CP: variants seen among roughly 807,000 people sequenced by gnomAD.
The protein encoded by CP is caeruloplasmin.
CP carries 64 observed loss-of-function variants against 122.4 expected under a neutral mutation model. The ratio of observed to expected loss-of-function variants is 0.52; its 90% CI spans 0.43 to 0.64. The LOEUF (loss-of-function observed/expected upper bound fraction) is 0.64. CP is among the 30% of genes least tolerant of loss of function. The pLI, the probability that CP is intolerant of heterozygous loss-of-function variation, is 0.00. For synonymous variants in CP, 440 were observed against 436.4 expected (o/e 1.01, Z -0.10); for missense variants, 1,167 against 1,284.4 (o/e 0.91, Z 1.40).
At chr3:149,171,934 T>C (rs1183354795), downstream of CP, among the ~76,000 whole-genome samples, 1 of 152,146 alleles carries the variant, frequency 6.6e-6, no homozygotes. Flanking sequence ...CTTGAACTCC[T>C]GACCTCGTGA....
At chr3:149,179,830 A>G (rs1454265256) in intron 14 of CP, 168 bp from the exon 15 acceptor site, 1 of 595,864 alleles carries the variant, frequency 1.7e-6, no homozygotes, top group Admixed American at 2.8e-5. Context: ...GATTGTTTTC[A>G]GGAATTTAGT....
chr3:149,217,917 G>T (rs1274545712), intron 1 of CP: 4 of 443,260 alleles, frequency 9.0e-6, no homozygotes, highest in Non-Finnish European at 1.8e-5. Context: ...GATTTGAGCT[G>T]TTATTTCTTC....
At chr3:149,181,576 G>T (rs1168251654) in intron 14 of CP, among the ~76,000 whole-genome samples, 2 of 152,128 alleles carry the variant, frequency 1.3e-5, no homozygotes, top group African/African-American at 4.8e-5. Context: ...AACATTTGAT[G>T]ATCTCCTAAT....
intron 4 of CP, chr3:149,167,391 C>T (rs1328256932): frequency 1.3e-5 from 9 of 694,048 alleles, no homozygotes; most frequent in South Asian, 3.1e-5. Flanking sequence ...TAATATGTTA[C>T]GTGTTTTGAG....
intron 9 of CP, among the ~76,000 whole-genome samples, chr3:149,189,637 A>C (rs956423741): frequency 1.2e-4 from 19 of 152,282 alleles, no homozygotes; most frequent in African/African-American, 4.3e-4. Flanking sequence ...GAAGAAGATG[A>C]AGTAGCATTT....
intron 16 of CP, 75 bp from the exon 17 acceptor site, chr3:149,178,054 T>G (rs1576728131): frequency 1.5e-6 from 2 of 1,340,804 alleles, no homozygotes; most frequent in Non-Finnish European, 2.1e-6. Context: ...AAAATATGAT[T>G]ATTAGGTTAA....
intron 18 of CP, among the ~76,000 whole-genome samples, chr3:149,175,664 A>AGTGTGTGTGTGT (rs60005904): frequency 0.078 from 11,416 of 145,574 alleles, 603 homozygotes; most frequent in East Asian, 0.23. Context: ...CTCCATTTTA[A>AGTGTGTGTGTGT]GTGTGTGTGT....
chr3:149,190,637 G>A (rs551360116), intron 9 of CP, among the ~76,000 whole-genome samples: 65 of 139,704 alleles, frequency 4.7e-4, no homozygotes, highest in South Asian at 1.5e-3. Flanking sequence ...CAGCCTGGGC[G>A]ACAGAGGAAG....
In CP at chr3:149,182,002, T is replaced by A; in HGVS notation, c.2554+3A>T. 1 of 387,116 alleles carries A rather than the reference T, an allele frequency of 2.6e-6. No individual in the cohort carries two copies. The highest frequency in any genetic ancestry group is 4.1e-6 in the Non-Finnish European group (1 of 244,656). 24.0% of individuals were successfully genotyped at this position (387,116 alleles called of 1,614,324 possible). Reference sequence around the variant, plus strand: ...CCACCCCCACCCCCGCCCCCGTGAGTACCTGGTAATGTTGGAGTAACTGTA... The same window carrying A: ...CCACCCCCACCCCCGCCCCCGTGAGAACCTGGTAATGTTGGAGTAACTGTA... On this transcript the variant is annotated splice_donor_region_variant and intron_variant, in intron 14 of 18. Coordinates refer to ENST00000264613, the MANE Select transcript of CP (RefSeq NM_000096.4).
intron 6 of CP, among the ~76,000 whole-genome samples, chr3:149,205,469 T>A (rs912653098): frequency 5.9e-5 from 9 of 151,824 alleles, no homozygotes; most frequent in African/African-American, 2.2e-4. Context: ...TTAGTCACAA[T>A]AGCCAAAAGG....
chr3:149,206,717 G>T (rs1174096109), intron 5 of CP, among the ~76,000 whole-genome samples: 2 of 152,098 alleles, frequency 1.3e-5, no homozygotes, highest in African/African-American at 4.8e-5. Flanking sequence ...GGAGGTACAA[G>T]GAGGAGGTAC....
At chr3:149,175,360 A>G (rs921719208) in intron 18 of CP, among the ~76,000 whole-genome samples, 3 of 152,138 alleles carry the variant, frequency 2.0e-5, no homozygotes, top group African/African-American at 7.2e-5. Context: ...TTCATGATGT[A>G]AGTTGTTTGT....
In CP at chr3:149,173,478, A is replaced by G. The variant is rs977562729; in HGVS notation, c.*236T>C. 2 of 363,598 alleles carry G rather than the reference A, an allele frequency of 5.5e-6. No homozygotes were observed. The highest frequency in any genetic ancestry group is 1.0e-5 in the Non-Finnish European group (2 of 193,954). 22.5% of individuals were successfully genotyped at this position (363,598 alleles called of 1,614,324 possible). On this transcript the variant is annotated 3_prime_UTR_variant, in exon 19 of 19. Transcript: ENST00000264613. ...GCGGTGATATCATTAGACTGTATGA[A>G]TCAGTTTTATTACCTAGTGTACAAG...
intron 9 of CP, among the ~76,000 whole-genome samples, chr3:149,188,780 T>C (rs1392379967): frequency 6.6e-6 from 1 of 152,072 alleles, no homozygotes; most frequent in Non-Finnish European, 1.5e-5. Context: ...ATCTGGTCTA[T>C]GAAATGATTC....
intron 1 of CP, among the ~76,000 whole-genome samples, chr3:149,220,784 A>G (rs988487463): frequency 2.0e-5 from 3 of 152,138 alleles, no homozygotes; most frequent in Non-Finnish European, 4.4e-5. Context: ...TTTTATTACC[A>G]CTGAAATACA....
Position 149,221,743 on chromosome 3 carries a change from G to A in CP, c.50C>T (p.Ala17Val), listed in dbSNP as rs1478368933. ...GTAATAATGCTTTTCTTTCGCCCAG[G>A]CTGGGGTACTACATAAAAACAGAAA... is the stretch of plus-strand genomic sequence containing the variant. ...GIFLFLCSTP[A>V]WAKEKHYYIG... The change falls in exon 1 of 19, where the codon GCC becomes GTC. Residue 17 changes from alanine to valine, a missense_variant. Ala to Val is a moderately conservative substitution (Grantham distance 64). Transcript: ENST00000264613. 1 of 1,613,616 alleles carries A rather than the reference G, an allele frequency of 6.2e-7. No individual in the cohort carries two copies. Among genetic ancestry groups the A allele is most frequent in the Non-Finnish European group, 8.5e-7 (1 of 1,179,708 alleles).
At chr3:149,214,770 A>G (rs1728348852) in intron 1 of CP, among the ~76,000 whole-genome samples, 1 of 152,246 alleles carries the variant, frequency 6.6e-6, no homozygotes, top group South Asian at 2.1e-4. Context: ...ATAGCAAGGA[A>G]TGCACAGAAA....
chr3:149,166,053 G>A (rs1216021676), intron 4 of CP: 4 of 455,048 alleles, frequency 8.8e-6, no homozygotes, highest in Non-Finnish European at 1.8e-5. Flanking sequence ...AGAAGATGCT[G>A]TAGCAAAAAG....
At chr3:149,181,973 T>TGCTGGGGGGGGGGGGGGG in intron 14 of CP, 32 bp downstream of exon 14, 1 of 1,375,574 alleles carries the variant, frequency 7.3e-7, no homozygotes, top group Non-Finnish European at 1.0e-6. Flanking sequence ...CCTGTTAAAA[T>TGCTGGGGGGGGGGGGGGG]GCACCACCCC....
Sources: gnomAD v4.1 joint callset for allele counts (sites outside exome capture counted in the v4.1 genomes callset) on GRCh38, gnomAD v4.1.1 for gene constraint, MANE v1.5 for transcripts, NCBI Gene and HGNC (gene_info 2026-07-23, HGNC 2026-07-21) for gene names.